The following STAG1 variants were observed in gnomAD, a reference collection of about 807,000 sequenced individuals.
The protein encoded by STAG1 is cohesin subunit SA-1.
Under a neutral mutation model 170.9 loss-of-function variants are expected in STAG1, and 26 were observed. The observed-to-expected ratio is 0.15, with a 90% confidence interval of 0.11 to 0.21. The LOEUF (loss-of-function observed/expected upper bound fraction) is 0.21, where lower values mean the gene tolerates loss of function less well. Among genes scored for constraint, STAG1 ranks in the 10% least tolerant of loss-of-function variants. The pLI is 1.00. For synonymous variants in STAG1, 514 were observed against 497.7 expected (o/e 1.03, Z -0.44); for missense variants, 964 against 1,509.5 (o/e 0.64, Z 5.99).
At chr3:136,366,806 T>G in intron 25 of STAG1, 137 bp downstream of exon 25, 1 of 606,762 alleles carries the variant, frequency 1.6e-6, no homozygotes, top group Non-Finnish European at 2.7e-6. Context: ...AAAGCTTATA[T>G]AAGAGAAACT....
rs1936103525 is a variant in STAG1, at chr3:136,343,859, T to C, written c.3419A>G (p.His1140Arg). 8 of 1,594,940 alleles carry C rather than the reference T, an allele frequency of 5.0e-6. No individual in the cohort carries two copies. Among genetic ancestry groups the C allele is most frequent in the Middle Eastern group, 1.7e-4 (1 of 5,974 alleles). ...GTGTAAAAAGTCTGGTTCAGAACCATGTTCAGACTCAGGTTCTTGAATCTG... is the reference window on the plus strand; with the variant it reads ...GTGTAAAAAGTCTGGTTCAGAACCACGTTCAGACTCAGGTTCTTGAATCTG... ...GDQIQEPESE[H>R]GSEPDFLHNP... The change falls in exon 30 of 34, where the codon CAT becomes CGT. Residue 1140 changes from histidine to arginine, a missense_variant. Physicochemically the swap from His to Arg is conservative, Grantham distance 29 (BLOSUM62 0). Around this residue, in one of 11 missense-constraint regions of STAG1, gnomAD observed 122 missense variants for 129.0 expected, o/e 0.95. Coordinates refer to ENST00000383202, the MANE Select transcript of STAG1 (RefSeq NM_005862.3).
intron 1 of STAG1, among the ~76,000 whole-genome samples, chr3:136,647,279 T>C (rs568933374): frequency 5.4e-4 from 82 of 152,202 alleles, no homozygotes; most frequent in Non-Finnish European, 3.2e-4. Context: ...GAAATAAAAA[T>C]ATCTTTCCTG....
chr3:136,418,360 C>CAAAAAAAAAAAAAA (rs767401141), intron 20 of STAG1, among the ~76,000 whole-genome samples: 13 of 49,762 alleles, frequency 2.6e-4, no homozygotes, highest in African/African-American at 6.5e-4. Flanking sequence ...ACTCTGTCTC[C>CAAAAAAAAAAAAAA]AAAAAAAAAA....
intron 3 of STAG1, among the ~76,000 whole-genome samples, chr3:136,610,160 C>T (rs752782927): frequency 6.6e-6 from 1 of 152,048 alleles, no homozygotes; most frequent in Non-Finnish European, 1.5e-5. Context: ...CCTCAGCCTC[C>T]CAAGTAGCTG....
At chr3:136,646,673 C>T (rs1941027831) in intron 1 of STAG1, among the ~76,000 whole-genome samples, 1 of 151,968 alleles carries the variant, frequency 6.6e-6, no homozygotes, top group Admixed American at 6.6e-5. Flanking sequence ...TTTGAGAGGC[C>T]GAGGCAGGCA....
At chr3:136,710,501 C>A (rs559813777) in intron 1 of STAG1, among the ~76,000 whole-genome samples, 1 of 152,068 alleles carries the variant, frequency 6.6e-6, no homozygotes, top group Non-Finnish European at 1.5e-5. Context: ...TTAAGCCTAC[C>A]CGGTACTTTG....
chr3:136,466,203 CT>C (rs1400743681), intron 12 of STAG1, among the ~76,000 whole-genome samples: 1 of 152,150 alleles, frequency 6.6e-6, no homozygotes, highest in Non-Finnish European at 1.5e-5. Context: ...TCAAACTTCT[CT>C]CAGCTAAAGG....
intron 3 of STAG1, among the ~76,000 whole-genome samples, chr3:136,622,155 A>G (rs1269746979): frequency 2.7e-5 from 4 of 150,124 alleles, no homozygotes; most frequent in Admixed American, 6.6e-5. Context: ...AAAAAAAAAA[A>G]AAAGAAAAGA....
chr3:136,606,219 C>T (rs1209401641), intron 3 of STAG1, among the ~76,000 whole-genome samples: 1 of 151,158 alleles, frequency 6.6e-6, no homozygotes, highest in African/African-American at 2.4e-5. Flanking sequence ...GAGGGAGTCT[C>T]ACTCTGTTGC....
chr3:136,636,257 A>T (rs1245430864), intron 1 of STAG1, among the ~76,000 whole-genome samples: 2 of 152,136 alleles, frequency 1.3e-5, no homozygotes, highest in African/African-American at 4.8e-5. Context: ...TCAAAAAAAA[A>T]AAAGAAAGAA....
At chr3:136,664,947 C>CCAGAT (rs1245756278) in intron 1 of STAG1, among the ~76,000 whole-genome samples, 1 of 152,114 alleles carries the variant, frequency 6.6e-6, no homozygotes, top group Non-Finnish European at 1.5e-5. Context: ...AGCTGCAAGC[C>CCAGAT]CAGAGGGTGA....
intron 1 of STAG1, among the ~76,000 whole-genome samples, chr3:136,634,353 C>A (rs1287640130): frequency 6.6e-6 from 1 of 151,426 alleles, no homozygotes; most frequent in Non-Finnish European, 1.5e-5. Context: ...GACCCTGCTT[C>A]AGCCCCCAAA....
intron 25 of STAG1, among the ~76,000 whole-genome samples, chr3:136,366,636 T>A (rs1486044152): frequency 6.6e-6 from 1 of 152,102 alleles, no homozygotes; most frequent in East Asian, 1.9e-4. Context: ...TTCCCTCCCA[T>A]CTGTGCCTGT....
At chr3:136,425,560 A>G (rs2088092429) in intron 16 of STAG1, among the ~76,000 whole-genome samples, 1 of 152,042 alleles carries the variant, frequency 6.6e-6, no homozygotes, top group South Asian at 2.1e-4. Flanking sequence ...TAACTAATGT[A>G]AATGTTTTAC....
chr3:136,718,727 C>T (rs1045072297), intron 1 of STAG1, among the ~76,000 whole-genome samples: 42 of 152,078 alleles, frequency 2.8e-4, no homozygotes, highest in Non-Finnish European at 6.2e-4. Context: ...GAGTTTGAGA[C>T]CAGCCTGGCC....
intron 12 of STAG1, among the ~76,000 whole-genome samples, chr3:136,468,688 G>T (rs572652755): frequency 6.6e-6 from 1 of 152,236 alleles, no homozygotes; most frequent in Admixed American, 6.5e-5. Flanking sequence ...AACAAAAAAA[G>T]AGAATTTTAG....
At chr3:136,434,794 C>T (rs899725990) in intron 15 of STAG1, among the ~76,000 whole-genome samples, 4 of 152,076 alleles carry the variant, frequency 2.6e-5, no homozygotes, top group African/African-American at 9.7e-5. Flanking sequence ...TTTGCTGTCT[C>T]GTGTGCTTGC....
intron 4 of STAG1, 74 bp from the exon 5 acceptor site, chr3:136,568,935 TTG>T (rs1937170683): frequency 3.0e-6 from 3 of 996,304 alleles, no homozygotes; most frequent in Non-Finnish European, 4.5e-6. Flanking sequence ...TCAAAAAAGT[TTG>T]TGTGTTTGTG....
intron 1 of STAG1, among the ~76,000 whole-genome samples, chr3:136,665,408 G>C (rs370671211): frequency 6.6e-5 from 10 of 152,054 alleles, no homozygotes; most frequent in African/African-American, 2.2e-4. Flanking sequence ...ACTACATAGC[G>C]TTAGGGTTAC....
Sources: gnomAD v4.1 joint callset for allele counts (sites outside exome capture counted in the v4.1 genomes callset) on GRCh38, gnomAD v4.1.1 for gene constraint, gnomAD v4.1.1 regional missense constraint, MANE v1.5 for transcripts, NCBI Gene and HGNC (gene_info 2026-07-23, HGNC 2026-07-21) for gene names.